ANKFN1: variants seen among roughly 807,000 people sequenced by gnomAD.
The protein encoded by ANKFN1 is ankyrin repeat and fibronectin type III domain containing 1.
Under a neutral mutation model 108.7 loss-of-function variants are expected in ANKFN1, and 74 were observed. The ratio of observed to expected loss-of-function variants is 0.68; its 90% confidence interval spans 0.56 to 0.83. ANKFN1 has a LOEUF of 0.83. ANKFN1 is among the 40% of genes least tolerant of loss of function. The pLI is 0.00. For synonymous variants in ANKFN1, 547 were observed against 516.2 expected, an observed-to-expected ratio of 1.06 and a Z score of -0.81; for missense variants, 1,505 against 1,382.3, an observed-to-expected ratio of 1.09 and a Z score of -1.41.
chr17:56,141,923 C>CTGT (rs1294074019), intron 4 of ANKFN1, among the ~76,000 whole-genome samples: 87 of 95,654 alleles, frequency 9.1e-4, no homozygotes, highest in African/African-American at 3.4e-3. Flanking sequence ...CGATGGTGTA[C>CTGT]TTTTTTTTTT....
intron 3 of ANKFN1, among the ~76,000 whole-genome samples, chr17:56,286,390 G>A (rs2144277723): frequency 6.6e-6 from 1 of 152,234 alleles, no homozygotes; most frequent in Admixed American, 6.5e-5. Context: ...CAGACGTGCT[G>A]GGGATAGCTT....
chr17:56,316,748 G>T (rs2045219559), intron 3 of ANKFN1, among the ~76,000 whole-genome samples: 1 of 152,150 alleles, frequency 6.6e-6, no homozygotes, highest in South Asian at 2.1e-4. Context: ...GACCACCAAA[G>T]CTATCCAGAT....
intron 3 of ANKFN1, among the ~76,000 whole-genome samples, chr17:56,319,513 A>G (rs1246957413): frequency 6.6e-6 from 1 of 152,190 alleles, no homozygotes; most frequent in Non-Finnish European, 1.5e-5. Context: ...GGATCCCAAC[A>G]TCTCTGCCAT....
intron 4 of ANKFN1, among the ~76,000 whole-genome samples, chr17:56,332,268 A>T (rs2045685065): frequency 6.6e-6 from 1 of 152,146 alleles, no homozygotes; most frequent in African/African-American, 2.4e-5. Flanking sequence ...TGCTTATGTA[A>T]GCAGCAAAGC....
At chr17:56,176,148 T>C (rs1911131500) in intron 1 of ANKFN1, among the ~76,000 whole-genome samples, 1 of 152,040 alleles carries the variant, frequency 6.6e-6, no homozygotes, top group Non-Finnish European at 1.5e-5. Flanking sequence ...TAATGCATTT[T>C]TCTAGTAAAT....
intron 4 of ANKFN1, among the ~76,000 whole-genome samples, chr17:56,083,833 T>A (rs943350532): frequency 4.0e-5 from 6 of 151,452 alleles, no homozygotes; most frequent in Admixed American, 4.0e-4. Context: ...ACTTTTGAAC[T>A]ATGAATAGCA....
chr17:56,291,965 T>A (rs997965198), intron 3 of ANKFN1, among the ~76,000 whole-genome samples: 1 of 152,278 alleles, frequency 6.6e-6, no homozygotes, highest in South Asian at 2.1e-4. Context: ...TTATGACAAA[T>A]TTTTATTATC....
rs1259207018 is a variant in ANKFN1 at position 56,511,014 on chromosome 17, G to T, written c.3186G>T (p.Arg1062Ser). The T allele has an allele frequency of 3.3e-6, 5 of 1,535,986 alleles. No homozygotes were observed. The South Asian group carries it at 5.9e-5, about 18-fold the overall frequency. Residue 1062 changes from arginine (R) to serine (S), a missense_variant, in exon 21 of 21, where the codon AGG becomes AGT. Coordinates refer to ENST00000682825, the MANE Select transcript of ANKFN1 (RefSeq NM_001370326.1). ...CCGGCCCTGCCCTTGATGATCCCAGGGGCCTAACTCTGGCCCACGCTGCCA... is the reference window on the plus strand; with the variant it reads ...CCGGCCCTGCCCTTGATGATCCCAGTGGCCTAACTCTGGCCCACGCTGCCA... Reference protein sequence around the residue: ...KRAGPALDDPRGLTLAHAASL... With the variant: ...KRAGPALDDPSGLTLAHAASL...
intron 4 of ANKFN1, among the ~76,000 whole-genome samples, chr17:56,336,232 T>A (rs1470679808): frequency 1.3e-5 from 2 of 152,204 alleles, no homozygotes; most frequent in African/African-American, 4.8e-5. Context: ...GGCTTCATCA[T>A]AAAATGAGTT....
intron 8 of ANKFN1, among the ~76,000 whole-genome samples, chr17:56,407,522 G>A (rs1021124986): frequency 1.3e-5 from 2 of 152,108 alleles, no homozygotes; most frequent in African/African-American, 4.8e-5. Context: ...TCAAATCAAA[G>A]CTCCATCAGT....
At chr17:56,190,870 G>A (rs1379470069) in intron 1 of ANKFN1, among the ~76,000 whole-genome samples, 1 of 110,416 alleles carries the variant, frequency 9.1e-6, no homozygotes, top group African/African-American at 4.1e-5. Flanking sequence ...AGGTCACTCA[G>A]GACTTGCTTT....
chr17:56,419,569 G>C (rs1026682028), intron 8 of ANKFN1, among the ~76,000 whole-genome samples: 3 of 151,804 alleles, frequency 2.0e-5, no homozygotes, highest in African/African-American at 7.3e-5. Context: ...CAATACAGGA[G>C]AATTACTTGA....
At chr17:56,401,393 G>GCA (rs2047762020) in intron 8 of ANKFN1, among the ~76,000 whole-genome samples, 2 of 139,002 alleles carry the variant, frequency 1.4e-5, no homozygotes, top group Non-Finnish European at 3.2e-5. Context: ...GTTGTGTTGT[G>GCA]TTGTGTTGTG....
Position 56,137,446 on chromosome 17 carries a change from G to A in ANKFN1, c.289-90471G>A, listed in dbSNP as rs76276165. ...TTACTGCCAGCCCTGATAAGCCCTC[G>A]TAGAAACTTCCAATCTACCCATTTC... On this transcript the variant is annotated intron_variant, in intron 4 of 12. Transcript: ENST00000635860. Among the ~76,000 whole-genome samples, 1,179 of 152,222 alleles carry A rather than the reference G, an allele frequency of 7.7e-3. 50 individuals carry two copies. In the East Asian group the frequency reaches 0.11, roughly 14 times the overall value.
intron 18 of ANKFN1, among the ~76,000 whole-genome samples, chr17:56,488,448 C>G (rs2050926691): frequency 6.6e-6 from 1 of 152,080 alleles, no homozygotes; most frequent in Admixed American, 6.6e-5. Context: ...GAAGGAGGAA[C>G]AGGTTTAGGG....
intron 16 of ANKFN1, among the ~76,000 whole-genome samples, chr17:56,480,316 T>C (rs527466706): frequency 8.9e-4 from 135 of 152,336 alleles, no homozygotes; most frequent in Non-Finnish European, 1.4e-3. Flanking sequence ...GATGCCCCTG[T>C]GGTAAAACGT....
At chr17:56,423,920 G>C (rs2048482671) in intron 8 of ANKFN1, among the ~76,000 whole-genome samples, 1 of 152,126 alleles carries the variant, frequency 6.6e-6, no homozygotes, top group Non-Finnish European at 1.5e-5. Context: ...TGATGCTCAG[G>C]AATGTATTGG....
chr17:56,466,111 T>A (rs1413080266), intron 14 of ANKFN1, among the ~76,000 whole-genome samples: 1 of 152,208 alleles, frequency 6.6e-6, no homozygotes, highest in Non-Finnish European at 1.5e-5. Flanking sequence ...AAAAACATAA[T>A]TTTTATGCAT....
intron 4 of ANKFN1, among the ~76,000 whole-genome samples, chr17:56,094,483 T>A (rs1905481822): frequency 7.8e-6 from 1 of 127,546 alleles, no homozygotes; most frequent in South Asian, 2.5e-4. Context: ...TCTTTTTTTT[T>A]TTTTTTTTTT....
Sources: gnomAD v4.1 joint callset for allele counts (sites outside exome capture counted in the v4.1 genomes callset) on GRCh38, gnomAD v4.1.1 for gene constraint, MANE v1.5 for transcripts, NCBI Gene and HGNC (gene_info 2026-07-23, HGNC 2026-07-21) for gene names.